Variants in ZHX3 observed in about 807,000 individuals in gnomAD.
The protein encoded by ZHX3 is zinc fingers and homeoboxes 3, also known as zinc fingers and homeoboxes protein 3.
ZHX3 carries 20 observed loss-of-function variants against 64.5 expected under a neutral mutation model. The observed-to-expected ratio is 0.31, with a 90% CI of 0.22 to 0.45. The LOEUF (loss-of-function observed/expected upper bound fraction) is 0.45, where lower values mean the gene tolerates loss of function less well. Among genes scored for constraint, ZHX3 ranks in the 20% least tolerant of loss-of-function variants. The pLI is 1.00. For missense variants in ZHX3, 1,041 were observed against 1,195.8 expected, an observed-to-expected ratio of 0.87 and a Z score of 1.91; for synonymous variants, 423 against 461.6, an observed-to-expected ratio of 0.92 and a Z score of 1.07.
rs1028304877 is a variant in ZHX3, at chr20:41,179,950, C to T, written c.*5241G>A. Reference sequence around the variant, plus strand: ...CAGCCAAGTCACGTTAATTTTGAATCATCCACTTACGGAAAGGAACAGAAG... The same window carrying T: ...CAGCCAAGTCACGTTAATTTTGAATTATCCACTTACGGAAAGGAACAGAAG... On this transcript the variant is annotated 3_prime_UTR_variant, in exon 4 of 4. Coordinates refer to ENST00000683867, the MANE Select transcript of ZHX3 (RefSeq NM_001384317.1). The surrounding 1 kb of genome is among the most constrained non-coding windows in gnomAD (Gnocchi z 4.3). 6.6e-6 allele frequency: 1 copy of T among 152,608 alleles called. No homozygotes were observed. The highest frequency in any genetic ancestry group is 1.5e-5 in the Non-Finnish European group (1 of 68,064). 9.5% of individuals were successfully genotyped at this position (152,608 alleles called of 1,614,324 possible).
In ZHX3 at chr20:41,185,132, C is replaced by T; in HGVS notation, c.*59G>A. 1 of 1,592,152 alleles carries T rather than the reference C, an allele frequency of 6.3e-7. No homozygotes were observed. Among genetic ancestry groups the T allele is most frequent in the Non-Finnish European group, 8.6e-7 (1 of 1,167,850 alleles). On this transcript the variant is annotated 3_prime_UTR_variant, in exon 4 of 4. Transcript: ENST00000683867. This position sits in a 1 kb window ranked among gnomAD's most constrained non-coding sequence, Gnocchi z 5.0. ...TGGCAGCAGAGAGTCGGGTTTGGCT[C>T]TTCCACGTGGCAGGCGGTTTCCCAG...
chr20:41,225,446 T>C (rs1204149675), intron 2 of ZHX3, among the ~76,000 whole-genome samples: 3 of 152,318 alleles, frequency 2.0e-5, no homozygotes, highest in East Asian at 1.9e-4. Flanking sequence ...TTTTAAAAAA[T>C]TGTGATAAAA....
chr20:41,309,876 T>G (rs1311563030), intron 1 of ZHX3, among the ~76,000 whole-genome samples: 2 of 152,182 alleles, frequency 1.3e-5, no homozygotes, highest in Non-Finnish European at 2.9e-5. Context: ...CTTCACTGAG[T>G]TCACTTCATT....
rs79193019 is a variant in ZHX3 at position 41,280,356 on chromosome 20, G to A, written c.-244-11273C>T. On this transcript the variant is annotated intron_variant, in intron 1 of 3. Coordinates refer to ENST00000683867, the MANE Select transcript of ZHX3 (RefSeq NM_001384317.1). ...ACTGAATCAGTATTTATAGAGGGAA[G>A]AGGGATCTAGGCATTTGTATTTAAA... Among the ~76,000 whole-genome samples the A allele has an allele frequency of 0.041, 6,207 of 152,248 alleles. 628 individuals are homozygous for A. The East Asian group carries it at 0.43, about 11-fold the overall frequency.
intron 3 of ZHX3, among the ~76,000 whole-genome samples, chr20:41,186,532 G>T (rs2036538318): frequency 6.6e-6 from 1 of 152,170 alleles, no homozygotes. Context: ...GGATCACATG[G>T]TAATATTCTA....
chr20:41,251,233 T>G (rs1402086161), intron 2 of ZHX3, among the ~76,000 whole-genome samples: 1 of 152,026 alleles, frequency 6.6e-6, no homozygotes, highest in Non-Finnish European at 1.5e-5. Flanking sequence ...ATTGCTTGAG[T>G]CTAGAAGTTC....
At chr20:41,216,265 C>G (rs1304756626) in intron 2 of ZHX3, among the ~76,000 whole-genome samples, 1 of 152,140 alleles carries the variant, frequency 6.6e-6, no homozygotes, top group East Asian at 1.9e-4. Flanking sequence ...GCAACAAAGA[C>G]TTACTTTGAA....
In ZHX3 at chr20:41,201,399, C is replaced by T. The variant is rs746371335; in HGVS notation, c.2860+658G>A. ...TGACCAGGAACCTAGAAAATCAACACGTAATAACATGACTTGTCTGTGGCT... is the reference window on the plus strand; with the variant it reads ...TGACCAGGAACCTAGAAAATCAACATGTAATAACATGACTTGTCTGTGGCT... On this transcript the variant is annotated intron_variant, in intron 3 of 3. Coordinates refer to ENST00000683867, the MANE Select transcript of ZHX3 (RefSeq NM_001384317.1). This position sits in a 1 kb window ranked among gnomAD's most constrained non-coding sequence, Gnocchi z 5.0. The T allele has an allele frequency of 1.1e-4, 140 of 1,289,524 alleles. No individual in the cohort carries two copies. Among genetic ancestry groups the T allele is most frequent in the Middle Eastern group, 2.2e-4 (1 of 4,626 alleles). The allele number at this position is 1,289,524 out of a possible 1,614,324, so 79.9% of individuals were successfully genotyped here. A position where few individuals can be genotyped will look rare whatever the true frequency, so the allele number is the denominator to read the frequency against.
chr20:41,199,772 C>T (rs1208722808), intron 3 of ZHX3, among the ~76,000 whole-genome samples: 1 of 151,290 alleles, frequency 6.6e-6, no homozygotes. Context: ...GTCATCTTGG[C>T]TCACTGCAAC....
intron 3 of ZHX3, among the ~76,000 whole-genome samples, chr20:41,196,495 T>TATATAA (rs2037649922): frequency 1.6e-5 from 1 of 64,446 alleles, no homozygotes; most frequent in African/African-American, 5.7e-5. Flanking sequence ...TAAATATATA[T>TATATAA]TATATATTAT....
rs1015828148 is a variant in ZHX3 at position 41,183,761 on chromosome 20, T to G, written c.*1430A>C. The G allele has an allele frequency of 1.3e-5, 2 of 152,236 alleles. No individual in the cohort carries two copies. Among genetic ancestry groups the G allele is most frequent in the Non-Finnish European group, 2.9e-5 (2 of 68,060 alleles). 9.4% of individuals were successfully genotyped at this position (152,236 alleles called of 1,614,324 possible). A position where few individuals can be genotyped will look rare whatever the true frequency, so the allele number is the denominator to read the frequency against. Reference sequence around the variant, plus strand: ...GAGCTACAGGTGGACAGGTCTTTAGTTCGCCCCTCTTTACCAGCTACTCTC... The same window carrying G: ...GAGCTACAGGTGGACAGGTCTTTAGGTCGCCCCTCTTTACCAGCTACTCTC... On this transcript the variant is annotated 3_prime_UTR_variant, in exon 4 of 4. Coordinates refer to ENST00000683867, the MANE Select transcript of ZHX3 (RefSeq NM_001384317.1). The surrounding 1 kb of genome is among the most constrained non-coding windows in gnomAD (Gnocchi z 5.3).
At chr20:41,233,713 C>G (rs1219761974) in intron 2 of ZHX3, among the ~76,000 whole-genome samples, 3 of 152,090 alleles carry the variant, frequency 2.0e-5, no homozygotes, top group African/African-American at 4.8e-5. Context: ...ATGGAGAGAC[C>G]GGACAAGAAC....
At chr20:41,270,173 C>T (rs1327277489) in intron 1 of ZHX3, among the ~76,000 whole-genome samples, 1 of 151,032 alleles carries the variant, frequency 6.6e-6, no homozygotes, top group Non-Finnish European at 1.5e-5. Context: ...GGGCGGATCA[C>T]GAAGTCAAGA....
Position 41,203,323 on chromosome 20 carries a change from C to T in ZHX3, c.1594G>A (p.Gly532Ser). 6.2e-7 allele frequency: 1 copy of T among 1,614,152 alleles called. No individual in the cohort carries two copies. The highest frequency in any genetic ancestry group is 8.5e-7 in the Non-Finnish European group (1 of 1,180,036). The change falls in exon 3 of 4, where the codon GGC (glycine) becomes AGC (serine). Residue 532 changes from glycine to serine, a missense_variant. Around this residue, in one of 4 missense-constraint regions of ZHX3, gnomAD observed 649 missense variants for 739.8 expected, o/e 0.88. Transcript: ENST00000683867. This position sits in a 1 kb window ranked among gnomAD's most constrained non-coding sequence, Gnocchi z 7.1. ...TTCCGCACCTCTCTGGTACTGAGGC[C>T]CGTCACTTTTGTGAGATGTTCAACT... Reference protein sequence around the residue: ...SEVEHLTKVTGLSTREVRKWF... With the variant: ...SEVEHLTKVTSLSTREVRKWF...
chr20:41,193,685 T>G (rs1010679262), intron 3 of ZHX3, among the ~76,000 whole-genome samples: 3 of 144,896 alleles, frequency 2.1e-5, no homozygotes, highest in Middle Eastern at 3.3e-3. Context: ...TGGATTCAAG[T>G]TTTTTTTTTG....
intron 1 of ZHX3, among the ~76,000 whole-genome samples, chr20:41,288,747 G>A (rs1241486214): frequency 6.6e-6 from 1 of 152,150 alleles, no homozygotes; most frequent in Non-Finnish European, 1.5e-5. Context: ...CTGGTCTATA[G>A]TTAGTCATTC....
At chr20:41,312,727 A>T (rs1052953045) in intron 1 of ZHX3, among the ~76,000 whole-genome samples, 1 of 152,188 alleles carries the variant, frequency 6.6e-6, no homozygotes, top group Non-Finnish European at 1.5e-5. Flanking sequence ...GCCTGTACAG[A>T]AGAGGAGAAT....
chr20:41,208,081 A>G (rs1294316894), intron 2 of ZHX3, among the ~76,000 whole-genome samples: 1 of 152,254 alleles, frequency 6.6e-6, no homozygotes, highest in Non-Finnish European at 1.5e-5. Flanking sequence ...CAAATAAACT[A>G]GAAAATCTAG....
In ZHX3 at chr20:41,204,380, G is replaced by T. The variant is rs2038525724; in HGVS notation, c.537C>A (p.Ile179=). ...TCATGATTGGAGTTTTGGTAATGAT[G>T]ATTTCTGCCTGTCCATCAGCCCCTT... ...SAEGADGQAE[I]IITKTPIMKI... is the part of the protein sequence containing the mutation. Residue 179 remains isoleucine (I), a synonymous_variant, in exon 3 of 4, where the codon ATC becomes ATA. Coordinates refer to ENST00000683867, the MANE Select transcript of ZHX3 (RefSeq NM_001384317.1). The surrounding 1 kb of genome is among the most constrained non-coding windows in gnomAD (Gnocchi z 6.6). The T allele has an allele frequency of 6.2e-7, 1 of 1,614,156 alleles. No individual in the cohort carries two copies. The highest frequency in any genetic ancestry group is 1.3e-5 in the African/African-American group (1 of 75,040).
Sources: gnomAD v4.1 joint callset for allele counts (sites outside exome capture counted in the v4.1 genomes callset) on GRCh38, gnomAD v4.1.1 for gene constraint, gnomAD v4.1.1 regional missense constraint, Gnocchi (gnomAD v3.1) non-coding constraint, MANE v1.5 for transcripts, NCBI Gene and HGNC (gene_info 2026-07-23, HGNC 2026-07-21) for gene names.